The following CALCR variants were observed in gnomAD, a reference collection of about 807,000 sequenced individuals.
The protein encoded by CALCR is calcitonin receptor.
Under a neutral mutation model 59.5 loss-of-function variants are expected in CALCR, and 47 were observed. The ratio of observed to expected loss-of-function variants is 0.79; its 90% CI spans 0.63 to 1.01. The LOEUF (loss-of-function observed/expected upper bound fraction) is 1.01, where lower values mean the gene tolerates loss of function less well. Among genes scored for constraint, CALCR ranks in the 50% least tolerant of loss-of-function variants. The pLI, the probability that CALCR is intolerant of heterozygous loss-of-function variation, is 0.00. For missense variants in CALCR, 566 were observed against 597.1 expected (o/e 0.95, Z 0.54); for synonymous variants, 213 against 211.3 (o/e 1.01, Z -0.07).
At chr7:93,472,304 A>G (rs1562987267) in intron 6 of CALCR, 71 bp downstream of exon 6, 1 of 846,180 alleles carries the variant, frequency 1.2e-6, no homozygotes, top group African/African-American at 1.7e-5. Flanking sequence ...GATATTTTAC[A>G]GTTATGCGTC....
chr7:93,451,811 C>T (rs1207985860), intron 8 of CALCR, among the ~76,000 whole-genome samples: 1 of 151,852 alleles, frequency 6.6e-6, no homozygotes, highest in Non-Finnish European at 1.5e-5. Context: ...ACAGAAGATA[C>T]ATATACACCA....
chr7:93,529,753 T>TA (rs1788782378), intron 2 of CALCR, among the ~76,000 whole-genome samples: 1 of 152,074 alleles, frequency 6.6e-6, no homozygotes, highest in Non-Finnish European at 1.5e-5. Flanking sequence ...AATGAAGAAA[T>TA]AAATAAAGGA....
chr7:93,512,710 G>A (rs1801572488), intron 2 of CALCR, among the ~76,000 whole-genome samples: 1 of 152,044 alleles, frequency 6.6e-6, no homozygotes, highest in Admixed American at 6.6e-5. Flanking sequence ...TAATTAAAAG[G>A]CAATTTCTCT....
At chr7:93,573,606 T>A (rs1790052605) in intron 2 of CALCR, among the ~76,000 whole-genome samples, 1 of 152,234 alleles carries the variant, frequency 6.6e-6, no homozygotes, top group African/African-American at 2.4e-5. Flanking sequence ...AATTGTATTG[T>A]TGATTTTTGA....
At chr7:93,561,253 T>C (rs1473927237) in intron 2 of CALCR, among the ~76,000 whole-genome samples, 4 of 152,176 alleles carry the variant, frequency 2.6e-5, no homozygotes, top group African/African-American at 9.6e-5. Context: ...ATCTGAACAG[T>C]GCTATTCTAT....
intron 2 of CALCR, among the ~76,000 whole-genome samples, chr7:93,491,786 C>T (rs1010133731): frequency 6.6e-6 from 1 of 151,778 alleles, no homozygotes; most frequent in African/African-American, 2.4e-5. Context: ...ATGAGGAATG[C>T]TTTTATACTG....
Position 93,426,608 on chromosome 7 carries a change from C to G in CALCR, c.1192-19G>C. On this transcript the variant is annotated intron_variant, in intron 13 of 13. Coordinates refer to ENST00000426151, the MANE Select transcript of CALCR (RefSeq NM_001742.4). ...TTTGGACCTGGAAGAGAAAAAGGAG[C>G]CTTGTTTTTATATGATAGTCAGAAA... is the stretch of plus-strand genomic sequence containing the variant. 7.4e-7 allele frequency: 1 copy of G among 1,344,712 alleles called. No individual in the cohort carries two copies. The highest frequency in any genetic ancestry group is 1.0e-6 in the Non-Finnish European group (1 of 953,098). The allele number at this position is 1,344,712 out of a possible 1,614,324, so 83.3% of individuals were successfully genotyped here. A position where few individuals can be genotyped will look rare whatever the true frequency, so the allele number is the denominator to read the frequency against.
intron 2 of CALCR, among the ~76,000 whole-genome samples, chr7:93,542,566 T>A (rs1789172246): frequency 6.6e-6 from 1 of 152,060 alleles, no homozygotes; most frequent in Non-Finnish European, 1.5e-5. Context: ...ATGAAAAAAA[T>A]TTTTCTTTCT....
At chr7:93,456,811 G>T (rs1800218679) in intron 8 of CALCR, among the ~76,000 whole-genome samples, 1 of 152,086 alleles carries the variant, frequency 6.6e-6, no homozygotes, top group Admixed American at 6.6e-5. Context: ...CATACTTTAA[G>T]AATGCCTAGT....
chr7:93,462,266 G>C (rs571650166), intron 7 of CALCR, among the ~76,000 whole-genome samples: 1 of 152,098 alleles, frequency 6.6e-6, no homozygotes, highest in Non-Finnish European at 1.5e-5. Context: ...ATAGGATGTA[G>C]AATTTACATC....
At chr7:93,428,567 G>T (rs1317847278) in intron 13 of CALCR, among the ~76,000 whole-genome samples, 1 of 152,130 alleles carries the variant, frequency 6.6e-6, no homozygotes, top group Non-Finnish European at 1.5e-5. Flanking sequence ...TTGGGAGGCC[G>T]AGGCGGGCAG....
At chr7:93,510,861 T>C (rs1438380558) in intron 2 of CALCR, among the ~76,000 whole-genome samples, 2 of 152,020 alleles carry the variant, frequency 1.3e-5, no homozygotes, top group Non-Finnish European at 2.9e-5. Context: ...AGCGAGACCT[T>C]GTCTCTACAA....
chr7:93,532,463 T>TA (rs1403769417), intron 2 of CALCR, among the ~76,000 whole-genome samples: 1 of 151,936 alleles, frequency 6.6e-6, no homozygotes, highest in Non-Finnish European at 1.5e-5. Context: ...GAGGTTAGGT[T>TA]AAAAAAAGAC....
intron 2 of CALCR, among the ~76,000 whole-genome samples, chr7:93,572,619 G>A (rs1790033502): frequency 6.6e-6 from 1 of 152,118 alleles, no homozygotes; most frequent in South Asian, 2.1e-4. Flanking sequence ...CAGAGTCTGA[G>A]AGGTTCATCA....
chr7:93,502,957 C>A (rs1801350636), intron 2 of CALCR, among the ~76,000 whole-genome samples: 1 of 151,780 alleles, frequency 6.6e-6, no homozygotes, highest in Non-Finnish European at 1.5e-5. Context: ...ACACGTATTA[C>A]CTCCTTCAAT....
chr7:93,441,197 T>G (rs1019847668), intron 9 of CALCR, among the ~76,000 whole-genome samples: 7 of 152,176 alleles, frequency 4.6e-5, no homozygotes, highest in African/African-American at 1.7e-4. Flanking sequence ...TACAGCCTTT[T>G]TTTCCCATGA....
chr7:93,518,712 AT>A (rs1489579767), intron 2 of CALCR, among the ~76,000 whole-genome samples: 2 of 152,102 alleles, frequency 1.3e-5, no homozygotes, highest in East Asian at 3.9e-4. Context: ...TTTTTCATAA[AT>A]GAAATAGAAT....
intron 4 of CALCR, 41 bp from the exon 5 acceptor site, chr7:93,477,709 T>C: frequency 1.6e-6 from 2 of 1,247,488 alleles, no homozygotes; most frequent in Non-Finnish European, 2.3e-6. Context: ...GCCTTGTGGA[T>C]TTAACTAAAT....
chr7:93,507,306 G>A (rs1801445379), intron 2 of CALCR, among the ~76,000 whole-genome samples: 1 of 152,048 alleles, frequency 6.6e-6, no homozygotes, highest in Admixed American at 6.6e-5. Context: ...AGTGGGGTCA[G>A]AAGGACAAGT....
Sources: gnomAD v4.1 joint callset for allele counts (sites outside exome capture counted in the v4.1 genomes callset) on GRCh38, gnomAD v4.1.1 for gene constraint, MANE v1.5 for transcripts, NCBI Gene and HGNC (gene_info 2026-07-23, HGNC 2026-07-21) for gene names.